Variants in AFF3 observed in about 807,000 individuals in gnomAD.
The protein encoded by AFF3 is AF4/FMR2 family member 3.
Under a neutral mutation model 129.7 loss-of-function variants are expected in AFF3, and 32 were observed. That is an observed-to-expected ratio of 0.25 (90% CI 0.19 to 0.33). AFF3 has a LOEUF of 0.33. AFF3 is among the 10% of genes least tolerant of loss of function. The probability of loss-of-function intolerance (pLI) is 1.00; values close to 1 mark genes in which losing one functional copy is unlikely to be tolerated. For missense variants in AFF3, 1,373 were observed against 1,592.0 expected, an observed-to-expected ratio of 0.86 and a Z score of 2.34; for synonymous variants, 644 against 635.4, an observed-to-expected ratio of 1.01 and a Z score of -0.20.
intron 4 of AFF3, among the ~76,000 whole-genome samples, chr2:100,094,284 C>T (rs564689693): frequency 1.6e-3 from 238 of 152,006 alleles, no homozygotes; most frequent in Non-Finnish European, 2.9e-3. Context: ...TACAACTCAC[C>T]ATAATGTAGA....
At chr2:99,797,911 G>A (rs1685664325) in intron 8 of AFF3, among the ~76,000 whole-genome samples, 1 of 152,052 alleles carries the variant, frequency 6.6e-6, no homozygotes, top group African/African-American at 2.4e-5. Context: ...AATGTTAAAG[G>A]AAGCCCTTGA....
intron 7 of AFF3, among the ~76,000 whole-genome samples, chr2:99,974,378 C>T (rs1047044861): frequency 6.6e-6 from 1 of 152,194 alleles, no homozygotes; most frequent in Non-Finnish European, 1.5e-5. Context: ...GTGTGCTCAT[C>T]AATAAGTGTA....
At chr2:99,606,915 C>CA (rs10680840) in intron 13 of AFF3, among the ~76,000 whole-genome samples, 13,190 of 62,490 alleles carry the variant, frequency 0.21, 1,688 homozygotes, top group African/African-American at 0.29. Context: ...CTCCGTCTCA[C>CA]AAAAAAAAAA....
At chr2:99,738,549 T>C (rs1014055733) in intron 10 of AFF3, among the ~76,000 whole-genome samples, 16 of 152,304 alleles carry the variant, frequency 1.1e-4, no homozygotes, top group African/African-American at 3.6e-4. Flanking sequence ...TACCTTGAAT[T>C]AGATTTCCTA....
chr2:99,804,672 T>C (rs900963667), intron 8 of AFF3, among the ~76,000 whole-genome samples: 2 of 152,134 alleles, frequency 1.3e-5, no homozygotes, highest in African/African-American at 4.8e-5. Flanking sequence ...TGCAAATATA[T>C]GGAACCAATC....
At chr2:99,734,511 T>C (rs1251888502) in intron 10 of AFF3, among the ~76,000 whole-genome samples, 1 of 152,176 alleles carries the variant, frequency 6.6e-6, no homozygotes, top group African/African-American at 2.4e-5. Context: ...TTGAGTTTTT[T>C]TGGCAGATAC....
At chr2:100,055,462 TA>T (rs55713850) in intron 4 of AFF3, among the ~76,000 whole-genome samples, 38,623 of 128,366 alleles carry the variant, frequency 0.3, 6,044 homozygotes, top group Middle Eastern at 0.49. Flanking sequence ...CTAGAAATCT[TA>T]AAAAAAAAAA....
intron 14 of AFF3, among the ~76,000 whole-genome samples, chr2:99,594,807 G>C (rs887117789): frequency 6.6e-6 from 1 of 152,156 alleles, no homozygotes; most frequent in African/African-American, 2.4e-5. Flanking sequence ...GTAGTAATTT[G>C]GTAGTAGGAG....
At chr2:99,827,173 C>G (rs566531743) in intron 8 of AFF3, among the ~76,000 whole-genome samples, 2 of 152,152 alleles carry the variant, frequency 1.3e-5, no homozygotes, top group African/African-American at 4.8e-5. Flanking sequence ...GTTCAGGAAA[C>G]AGAGCTGTGT....
chr2:99,681,477 G>A (rs970165465), intron 11 of AFF3, among the ~76,000 whole-genome samples: 8 of 152,202 alleles, frequency 5.3e-5, no homozygotes, highest in African/African-American at 1.7e-4. Context: ...TGAATGTTCC[G>A]TGTTCCCTCA....
chr2:99,699,703 A>C (rs1316835146), intron 11 of AFF3, among the ~76,000 whole-genome samples: 23 of 152,158 alleles, frequency 1.5e-4, no homozygotes, highest in Non-Finnish European at 3.4e-4. Context: ...CAAAAGTGCA[A>C]AACAGGATTA....
At chr2:99,685,044 C>T (rs2309730) in intron 11 of AFF3, among the ~76,000 whole-genome samples, 99,034 of 151,308 alleles carry the variant, frequency 0.65, 33,410 homozygotes, top group African/African-American at 0.81. Flanking sequence ...GTTCAAGTGA[C>T]TCTCGTGCTT....
chr2:100,094,878 AC>A (rs1248842223), intron 4 of AFF3, among the ~76,000 whole-genome samples: 1 of 133,716 alleles, frequency 7.5e-6, no homozygotes, highest in Admixed American at 7.1e-5. Context: ...CTGAGAAAGG[AC>A]ACTAGAAGCC....
At chr2:99,559,266 G>A (rs1298253700) in intron 21 of AFF3, among the ~76,000 whole-genome samples, 1 of 152,178 alleles carries the variant, frequency 6.6e-6, no homozygotes, top group Admixed American at 6.5e-5. Flanking sequence ...ACCACGAGAG[G>A]GCGCTGTCTC....
chr2:99,670,402 ACTG>A (rs1558726272), intron 12 of AFF3, among the ~76,000 whole-genome samples: 1 of 152,094 alleles, frequency 6.6e-6, no homozygotes, highest in Admixed American at 6.5e-5. Context: ...TTTTTCATAC[ACTG>A]TAGTGTTTAC....
chr2:99,632,488 C>T (rs575048010), intron 13 of AFF3, among the ~76,000 whole-genome samples: 21 of 152,172 alleles, frequency 1.4e-4, no homozygotes, highest in East Asian at 1.2e-3. Context: ...GCTGGGGTGA[C>T]GGCAGCTATG....
At chr2:99,929,285 C>A (rs1227715135) in intron 7 of AFF3, among the ~76,000 whole-genome samples, 20 of 152,080 alleles carry the variant, frequency 1.3e-4, no homozygotes, top group Admixed American at 1.2e-3. Context: ...CAAGACTGCA[C>A]CATTGCACTC....
intron 13 of AFF3, among the ~76,000 whole-genome samples, chr2:99,610,865 T>C (rs1223768580): frequency 6.6e-6 from 1 of 152,188 alleles, no homozygotes; most frequent in Non-Finnish European, 1.5e-5. Flanking sequence ...TGAGTATGAA[T>C]ACTTTCTGGA....
At chr2:100,029,470 G>A (rs1300168552) in intron 4 of AFF3, among the ~76,000 whole-genome samples, 8 of 152,124 alleles carry the variant, frequency 5.3e-5, no homozygotes, top group South Asian at 2.1e-4. Context: ...CCACCCGGTC[G>A]GTGGCATTTT....
Sources: gnomAD v4.1 joint callset for allele counts (sites outside exome capture counted in the v4.1 genomes callset) on GRCh38, gnomAD v4.1.1 for gene constraint, MANE v1.5 for transcripts, NCBI Gene and HGNC (gene_info 2026-07-23, HGNC 2026-07-21) for gene names.